TPTE2: variants seen among roughly 807,000 people sequenced by gnomAD.
The protein encoded by TPTE2 is transmembrane phosphoinositide 3-phosphatase and tensin homolog 2, also known as phosphatidylinositol 3,4,5-trisphosphate 3-phosphatase TPTE2.
In TPTE2, 53 loss-of-function variants were observed where a neutral mutation model predicts 78.6. That is an observed-to-expected ratio of 0.67 (90% confidence interval 0.54 to 0.85). TPTE2 has a LOEUF of 0.85. Among genes scored for constraint, TPTE2 ranks in the 40% least tolerant of loss-of-function variants. The probability of loss-of-function intolerance (pLI) is 0.00; values close to 1 mark genes in which losing one functional copy is unlikely to be tolerated. For missense variants in TPTE2, 461 were observed against 623.0 expected, an observed-to-expected ratio of 0.74 and a Z score of 2.77; for synonymous variants, 175 against 206.2, an observed-to-expected ratio of 0.85 and a Z score of 1.30.
the TPTE2 span, chr13:19,561,225 T>G: frequency 7.2e-7 from 1 of 1,385,404 alleles, no homozygotes; most frequent in Non-Finnish European, 1.0e-6. Flanking sequence ...TGCCATGATG[T>G]AGTGGCTCAC....
At chr13:19,479,291 A>C (rs1432710314) in intron 4 of TPTE2, among the ~76,000 whole-genome samples, 3 of 152,204 alleles carry the variant, frequency 2.0e-5, no homozygotes, top group African/African-American at 7.2e-5. Context: ...GTGTGGAAGA[A>C]GACAGAAGTA....
intron 13 of TPTE2, among the ~76,000 whole-genome samples, chr13:19,446,855 T>A (rs544991722): frequency 6.6e-6 from 1 of 152,150 alleles, no homozygotes; most frequent in East Asian, 1.9e-4. Context: ...GATGGGAGGA[T>A]CGCTTGAGCC....
In TPTE2 at chr13:19,528,779, G is replaced by C. The variant is rs576824666; in HGVS notation, c.-44+7817C>G. On this transcript the variant is annotated intron_variant, in intron 1 of 17. Transcript: ENST00000390680. ...AGAACAGACCTTGAATCTCAGAGAC[G>C]GTTGGTGGCCACAAGTCCCTGAACT... Among the ~76,000 whole-genome samples, 103 of 152,252 alleles carry C rather than the reference G, an allele frequency of 6.8e-4. 1 individual carries two copies. Among genetic ancestry groups the C allele is most frequent in the African/African-American group, 2.5e-3 (102 of 41,560 alleles).
intron 4 of TPTE2, among the ~76,000 whole-genome samples, chr13:19,477,411 G>A (rs1276380890): frequency 2.0e-5 from 3 of 151,994 alleles, no homozygotes; most frequent in Non-Finnish European, 4.4e-5. Flanking sequence ...AATGATGTTA[G>A]GTTAACCTGA....
chr13:19,426,636 C>T (rs747760814), intron 17 of TPTE2, 119 bp from the exon 21 acceptor site: 2 of 587,652 alleles, frequency 3.4e-6, no homozygotes, highest in Admixed American at 3.0e-5. Flanking sequence ...AGCCCAATCA[C>T]TACATGCATA....
At chr13:19,472,057 G>A (rs902607380) in intron 6 of TPTE2, among the ~76,000 whole-genome samples, 25 of 152,134 alleles carry the variant, frequency 1.6e-4, no homozygotes, top group Non-Finnish European at 2.4e-4. Context: ...TAGCTCCATC[G>A]TATATTATTG....
chr13:19,458,540 C>A, intron 10 of TPTE2: 1 of 388,354 alleles, frequency 2.6e-6, no homozygotes, highest in Non-Finnish European at 5.2e-6. Context: ...TTCCTCTCCC[C>A]AGGTGATGCC....
chr13:19,426,431 G>A (rs1269695234), exon 18 of TPTE2: 6 of 1,602,464 alleles, frequency 3.7e-6, no homozygotes, highest in South Asian at 1.1e-5. Context: ...TCACCGAAGA[G>A]AAAAACTGCA....
intron 1 of TPTE2, among the ~76,000 whole-genome samples, chr13:19,519,308 G>C (rs1160444704): frequency 4.0e-5 from 6 of 151,726 alleles, no homozygotes. Flanking sequence ...AACCCCTCTA[G>C]CTTTCCTGTT....
intron 13 of TPTE2, among the ~76,000 whole-genome samples, chr13:19,439,487 T>G (rs968415420): frequency 2.0e-5 from 3 of 152,042 alleles, no homozygotes; most frequent in Non-Finnish European, 4.4e-5. Flanking sequence ...CAAAAATAAT[T>G]ACACAAATTA....
chr13:19,561,081 C>T, the TPTE2 span: 322 of 1,596,786 alleles, frequency 2.0e-4, 2 homozygotes, highest in South Asian at 3.5e-3. Context: ...TCGCCAGGCC[C>T]AGCCCCCTCC....
chr13:19,516,160 T>G (rs1350369331), intron 1 of TPTE2, among the ~76,000 whole-genome samples: 1 of 152,226 alleles, frequency 6.6e-6, no homozygotes, highest in East Asian at 1.9e-4. Context: ...AAGTTTGAGT[T>G]AGGTGGAGGT....
chr13:19,499,349 C>T (rs373182440), intron 1 of TPTE2, among the ~76,000 whole-genome samples: 32 of 151,986 alleles, frequency 2.1e-4, no homozygotes, highest in Middle Eastern at 3.4e-3. Context: ...AATATACATT[C>T]TTCTCAGCAC....
chr13:19,503,080 G>C (rs1373250585), intron 1 of TPTE2, 144 bp downstream of exon 4: 1 of 1,132,430 alleles, frequency 8.8e-7, no homozygotes, highest in African/African-American at 1.5e-5. Flanking sequence ...GTGTGCATGG[G>C]TTAGTGGATG....
At chr13:19,516,713 C>A (rs1869815973) in intron 1 of TPTE2, among the ~76,000 whole-genome samples, 1 of 152,140 alleles carries the variant, frequency 6.6e-6, no homozygotes, top group African/African-American at 2.4e-5. Flanking sequence ...AGCTCACCAT[C>A]CTTGAACAGA....
At chr13:19,477,333 A>C (rs1466655645) in intron 4 of TPTE2, among the ~76,000 whole-genome samples, 1 of 152,024 alleles carries the variant, frequency 6.6e-6, no homozygotes, top group Non-Finnish European at 1.5e-5. Context: ...GTTTACCTAC[A>C]TAACAAACCC....
intron 1 of TPTE2, among the ~76,000 whole-genome samples, chr13:19,510,671 A>G (rs1335300206): frequency 6.6e-6 from 1 of 152,224 alleles, no homozygotes; most frequent in Admixed American, 6.5e-5. Flanking sequence ...ATTGTTTACA[A>G]ATGTAACATA....
At chr13:19,423,263 C>CT in intron 19 of TPTE2, 99 bp from the exon 23 acceptor site, 2 of 882,756 alleles carry the variant, frequency 2.3e-6, no homozygotes, top group South Asian at 3.9e-5. Flanking sequence ...AAAAAAAAAC[C>CT]TCACCATGAA....
intron 13 of TPTE2, among the ~76,000 whole-genome samples, chr13:19,445,794 AG>A (rs1877787304): frequency 6.6e-6 from 1 of 152,184 alleles, no homozygotes; most frequent in Non-Finnish European, 1.5e-5. Context: ...ATACAAAAGT[AG>A]CTGGGTATGG....
Sources: gnomAD v4.1 joint callset for allele counts (sites outside exome capture counted in the v4.1 genomes callset) on GRCh38, gnomAD v4.1.1 for gene constraint, MANE v1.5 for transcripts, NCBI Gene and HGNC (gene_info 2026-07-23, HGNC 2026-07-21) for gene names.